Variants in LMBR1L observed in about 807,000 individuals in gnomAD.
LMBR1L encodes protein LMBR1L.
Under a neutral mutation model 67.3 loss-of-function variants are expected in LMBR1L, and 47 were observed. The observed-to-expected ratio is 0.70, with a 90% CI of 0.55 to 0.89. LMBR1L has a LOEUF of 0.89. LMBR1L is among the 40% of genes least tolerant of loss of function. LMBR1L has a pLI of 0.00. For synonymous variants in LMBR1L, 247 were observed against 250.3 expected, an observed-to-expected ratio of 0.99 and a Z score of 0.13; for missense variants, 533 against 599.2, an observed-to-expected ratio of 0.89 and a Z score of 1.15.
In LMBR1L at chr12:49,097,643, G is replaced by C; in HGVS notation, c.*29C>G. 6.2e-7 allele frequency: 1 copy of C among 1,610,968 alleles called. No homozygotes were observed. The highest frequency in any genetic ancestry group is 8.5e-7 in the Non-Finnish European group (1 of 1,178,574). On this transcript the variant is annotated 3_prime_UTR_variant, in exon 17 of 17. Coordinates refer to ENST00000267102, the MANE Select transcript of LMBR1L (RefSeq NM_018113.4). ...CCTAGGCAGCAGATGGCAGTGTCCA[G>C]TTTTTTCCTTCCCACCCCCAGCTGG...
chr12:49,099,930 GAGA>G (rs1422861626), intron 15 of LMBR1L, among the ~76,000 whole-genome samples: 1 of 152,236 alleles, frequency 6.6e-6, no homozygotes, highest in Non-Finnish European at 1.5e-5. Flanking sequence ...CTAAAGGCAG[GAGA>G]AGGAGTGAGT....
chr12:49,097,865 C>A, intron 16 of LMBR1L, 79 bp downstream of exon 16: 1 of 1,590,612 alleles, frequency 6.3e-7, no homozygotes. Context: ...CACCCTCTCC[C>A]CTGCTGGGGT....
intron 5 of LMBR1L, 85 bp from the exon 6 acceptor site, chr12:49,103,898 G>T: frequency 7.0e-7 from 1 of 1,433,416 alleles, no homozygotes; most frequent in Non-Finnish European, 9.5e-7. Flanking sequence ...GCAGGAACCA[G>T]AAAGGTTTGG....
chr12:49,104,055 GGGAGGC>G (rs1402097155), intron 5 of LMBR1L: 3 of 511,748 alleles, frequency 5.9e-6, no homozygotes, highest in African/African-American at 5.8e-5. Flanking sequence ...TGTGTGCTCT[GGGAGGC>G]TGACCTCCGA....
chr12:49,102,464 T>C lies in LMBR1L; in HGVS notation c.769+4A>G, dbSNP rs768135798. On this transcript the variant is annotated splice_donor_region_variant and intron_variant, in intron 9 of 16. Coordinates refer to ENST00000267102, the MANE Select transcript of LMBR1L (RefSeq NM_018113.4). ...CACCCCAGCAGGGAAGAACTGCAAC[T>C]TACTACAGATCCTGCGGGTCAGGGC... 2.5e-6 allele frequency: 4 copies of C among 1,614,062 alleles called. No homozygotes were observed. Among genetic ancestry groups the C allele is most frequent in the Non-Finnish European group, 3.4e-6 (4 of 1,180,008 alleles).
At chr12:49,099,816 G>C (rs905452254) in intron 15 of LMBR1L, among the ~76,000 whole-genome samples, 1 of 152,080 alleles carries the variant, frequency 6.6e-6, no homozygotes, top group Non-Finnish European at 1.5e-5. Context: ...CCTGACCTCA[G>C]GTGATCCGCC....
intron 5 of LMBR1L, 113 bp from the exon 6 acceptor site, chr12:49,103,926 G>A (rs1940555838): frequency 8.3e-7 from 1 of 1,200,448 alleles, no homozygotes; most frequent in South Asian, 1.5e-5. Flanking sequence ...AGGTAAGAGA[G>A]AGGGTTTTCC....
chr12:49,098,483 A>C (rs1304708578), intron 15 of LMBR1L, among the ~76,000 whole-genome samples: 2 of 152,232 alleles, frequency 1.3e-5, no homozygotes, highest in African/African-American at 4.8e-5. Context: ...GCTTTGGTTC[A>C]TATCCCAACT....
At chr12:49,102,840 G>A in intron 8 of LMBR1L, 47 bp downstream of exon 8, 1 of 1,555,980 alleles carries the variant, frequency 6.4e-7, no homozygotes, top group Non-Finnish European at 8.9e-7. Context: ...TTCCAGCTCT[G>A]CAGGAAGCTC....
chr12:49,101,177 A>C, intron 13 of LMBR1L, 73 bp downstream of exon 13: 2 of 1,613,316 alleles, frequency 1.2e-6, no homozygotes, highest in South Asian at 2.2e-5. Flanking sequence ...ACAAAGTCCA[A>C]GAAGTGCTCG....
chr12:49,106,395 G>A (rs1471507716), intron 2 of LMBR1L: 6 of 387,630 alleles, frequency 1.5e-5, no homozygotes, highest in Admixed American at 3.3e-5. Context: ...GTTGAGGGGG[G>A]ACTCATCCTG....
intron 8 of LMBR1L, 144 bp downstream of exon 8, chr12:49,102,743 T>C (rs931759798): frequency 1.2e-6 from 1 of 862,672 alleles, no homozygotes; most frequent in Non-Finnish European, 1.9e-6. Context: ...CTCTGCATGA[T>C]AGGGGTACAG....
intron 1 of LMBR1L, 82 bp downstream of exon 1, chr12:49,110,402 A>T: frequency 7.5e-7 from 1 of 1,341,800 alleles, no homozygotes; most frequent in South Asian, 1.2e-5. Context: ...GTTTGACGGC[A>T]CTCTGAGACC....
At chr12:49,107,294 C>A (rs1941030497) in intron 1 of LMBR1L, among the ~76,000 whole-genome samples, 1 of 152,232 alleles carries the variant, frequency 6.6e-6, no homozygotes, top group Admixed American at 6.5e-5. Flanking sequence ...ACATGCCCAG[C>A]CCTACAAGGA....
At chr12:49,105,986 G>A in intron 2 of LMBR1L, 29 bp from the exon 3 acceptor site, 2 of 1,608,122 alleles carry the variant, frequency 1.2e-6, no homozygotes, top group South Asian at 2.2e-5. Flanking sequence ...CGGGGAACAG[G>A]CAGGAGGACA....
At chr12:49,099,464 A>G (rs1026936738) in intron 15 of LMBR1L, among the ~76,000 whole-genome samples, 1 of 152,024 alleles carries the variant, frequency 6.6e-6, no homozygotes, top group African/African-American at 2.4e-5. Flanking sequence ...ACTGACTTAA[A>G]TATGAAATCA....
chr12:49,103,174 AAG>A lies in LMBR1L; in HGVS notation c.563-17_563-16del, dbSNP rs751078499. ...CTCCCAAAAGTCTAAGGATAAAAAA[AAG>A]AGGCATGTCAGCTCATCTCTCCTTA... is the stretch of plus-strand genomic sequence containing the variant. On this transcript the variant is annotated splice_polypyrimidine_tract_variant and intron_variant, in intron 6 of 16. Transcript: ENST00000267102. The A allele has an allele frequency of 1.4e-5, 22 of 1,609,738 alleles. No homozygotes were observed. Among genetic ancestry groups the A allele is most frequent in the Admixed American group, 1.2e-4 (7 of 59,954 alleles).
chr12:49,104,523 G>A lies in LMBR1L; in HGVS notation c.360C>T (p.Ser120=), dbSNP rs151030186. The part of the protein sequence containing the change: ...HGLWNLVFLF[S]NLSLIFLMPF... ...GCATGAGGAAGATGAGGGACAGGTT[G>A]GAGAAGAGAAAAACAAGGTTCCAGA... is the stretch of plus-strand genomic sequence containing the variant. The change falls in exon 5 of 17, where the codon TCC becomes TCT. Residue 120 remains serine, a synonymous_variant. Coordinates refer to ENST00000267102, the MANE Select transcript of LMBR1L (RefSeq NM_018113.4). 269 of 1,613,940 alleles carry A rather than the reference G, an allele frequency of 1.7e-4. No homozygotes were observed. The highest frequency in any genetic ancestry group is 1.5e-3 in the Middle Eastern group (9 of 6,084).
intron 1 of LMBR1L, chr12:49,110,127 T>C (rs915986600): frequency 3.6e-5 from 18 of 503,598 alleles, no homozygotes; most frequent in African/African-American, 2.9e-4. Context: ...TCAACCCAGT[T>C]TGAGAAGCAA....
Sources: allele counts gnomAD v4.1 joint callset (sites outside exome capture counted in the v4.1 genomes callset), GRCh38; gene constraint gnomAD v4.1.1; transcripts MANE v1.5; gene names NCBI Gene and HGNC (gene_info 2026-07-23, HGNC 2026-07-21).